NSL1: variants seen among roughly 807,000 people sequenced by gnomAD.
NSL1 encodes NSL1 component of MIS12 kinetochore complex, also known as kinetochore-associated protein NSL1 homolog.
Under a neutral mutation model 25.4 loss-of-function variants are expected in NSL1, and 11 were observed. The ratio of observed to expected loss-of-function variants is 0.43; its 90% CI spans 0.27 to 0.72. NSL1 has a LOEUF of 0.72. Ranked by LOEUF, NSL1 falls within the 30% of genes least tolerant of loss-of-function variation. The pLI is 0.19. For missense variants in NSL1, 330 were observed against 342.7 expected, an observed-to-expected ratio of 0.96 and a Z score of 0.29; for synonymous variants, 118 against 120.6, an observed-to-expected ratio of 0.98 and a Z score of 0.14.
chr1:212,772,808 C>T (rs1571905540), intron 4 of NSL1, among the ~76,000 whole-genome samples: 1 of 152,100 alleles, frequency 6.6e-6, no homozygotes, highest in Non-Finnish European at 1.5e-5. Flanking sequence ...AAATATACTA[C>T]AAAGCTACAG....
intron 4 of NSL1, among the ~76,000 whole-genome samples, chr1:212,755,884 G>A (rs1272324609): frequency 1.3e-5 from 2 of 152,074 alleles, no homozygotes; most frequent in South Asian, 2.1e-4. Flanking sequence ...TACGGCAGTC[G>A]AATGGAGGAT....
rs1657864628 is a variant in NSL1 at position 212,728,174 on chromosome 1, T to G, written c.*10234A>C. 2.1e-6 allele frequency: 2 copies of G among 935,584 alleles called. No individual in the cohort carries two copies. Among genetic ancestry groups the G allele is most frequent in the Non-Finnish European group, 2.5e-6 (2 of 784,630 alleles). The allele number at this position is 935,584 out of a possible 1,614,324, so 58.0% of individuals were successfully genotyped here. ...AAAAGAGATGGTGCATGTGAAGCTT[T>G]TAGCATGATCATGGCATGTAGTAAG... is the stretch of plus-strand genomic sequence containing the variant. On this transcript the variant is annotated 3_prime_UTR_variant, in exon 6 of 6. Coordinates refer to ENST00000366977, the MANE Select transcript of NSL1 (RefSeq NM_015471.4).
chr1:212,752,435 G>C (rs1190328857), intron 4 of NSL1, among the ~76,000 whole-genome samples: 1 of 152,140 alleles, frequency 6.6e-6, no homozygotes, highest in African/African-American at 2.4e-5. Flanking sequence ...TGCCTGTAGG[G>C]TCAGCAAAAG....
chr1:212,738,699 A>G lies in NSL1; in HGVS notation c.568-13T>C, dbSNP rs753697908. 1.6e-5 allele frequency: 25 copies of G among 1,603,724 alleles called. No individual in the cohort carries two copies. Among genetic ancestry groups the G allele is most frequent in the Non-Finnish European group, 2.0e-5 (24 of 1,172,330 alleles). ...ATGCAGGCAAGGACTTCAAACAAAC[A>G]AACAGTAATATTCAACATTAATCTC... On this transcript the variant is annotated splice_polypyrimidine_tract_variant and intron_variant, in intron 5 of 5. Transcript: ENST00000366977.
At position 212,787,554 on chromosome 1, in the gene NSL1, C is replaced by T; in HGVS notation, c.313+5G>A. 6.3e-7 allele frequency: 1 copy of T among 1,588,616 alleles called. No homozygotes were observed. The highest frequency in any genetic ancestry group is 8.6e-7 in the Non-Finnish European group (1 of 1,168,796). On this transcript the variant is annotated splice_donor_5th_base_variant and intron_variant, in intron 2 of 5. Transcript: ENST00000366977. ...AATTAATAATGGAAGGAAAAAGTCACATACCCATAAAACAATTATCTGAAG... is the reference window on the plus strand; with the variant it reads ...AATTAATAATGGAAGGAAAAAGTCATATACCCATAAAACAATTATCTGAAG...
chr1:212,786,443 A>G (rs537519461), intron 2 of NSL1, among the ~76,000 whole-genome samples: 38 of 152,046 alleles, frequency 2.5e-4, no homozygotes, highest in African/African-American at 7.9e-4. Flanking sequence ...AAAGTCTCCC[A>G]GGTAAATCTT....
rs59293969 is a variant in NSL1, at chr1:212,745,160, CTATATATATA to C, written c.500-5569_500-5560del. ...CAAAACAAACAAACAAACAAACAAA[CTATATATATA>C]TATATATATATATATATATATATAT... On this transcript the variant is annotated intron_variant, in intron 4 of 5. Coordinates refer to ENST00000366977, the MANE Select transcript of NSL1 (RefSeq NM_015471.4). 7.0e-3 allele frequency among the ~76,000 whole-genome samples: 820 copies of C among 117,548 alleles called. 4 individuals are homozygous for C. Among genetic ancestry groups the C allele is most frequent in the Non-Finnish European group, 9.8e-3 (593 of 60,628 alleles). The allele number at this position is 117,548 out of a possible 152,430, so 77.1% of individuals were successfully genotyped here.
rs994755011 is a variant in NSL1 at position 212,730,452 on chromosome 1, G to A, written c.*7956C>T. On this transcript the variant is annotated 3_prime_UTR_variant, in exon 6 of 6. Transcript: ENST00000366977. ...GGTCTTAAAATCTGCAACTAGGTATGAGCCCAAAGGCACTGGAGCCATTCT... is the reference window on the plus strand; with the variant it reads ...GGTCTTAAAATCTGCAACTAGGTATAAGCCCAAAGGCACTGGAGCCATTCT... 7.1e-6 allele frequency: 7 copies of A among 985,166 alleles called. No homozygotes were observed. Among genetic ancestry groups the A allele is most frequent in the South Asian group, 4.7e-5 (1 of 21,282 alleles). The allele number at this position is 985,166 out of a possible 1,614,324, so 61.0% of individuals were successfully genotyped here. A position where few individuals can be genotyped will look rare whatever the true frequency, so the allele number is the denominator to read the frequency against.
intron 4 of NSL1, among the ~76,000 whole-genome samples, chr1:212,755,699 T>A (rs1300456779): frequency 6.6e-6 from 1 of 151,846 alleles, no homozygotes; most frequent in Non-Finnish European, 1.5e-5. Flanking sequence ...ATGTGTGGGA[T>A]GTGACAGATT....
chr1:212,783,815 T>G (rs1660823876), intron 3 of NSL1, among the ~76,000 whole-genome samples: 1 of 152,184 alleles, frequency 6.6e-6, no homozygotes, highest in South Asian at 2.1e-4. Flanking sequence ...CGGCTCTGCT[T>G]GTCTAAAAAG....
At chr1:212,769,653 C>T (rs1660003984) in intron 4 of NSL1, among the ~76,000 whole-genome samples, 2 of 152,066 alleles carry the variant, frequency 1.3e-5, no homozygotes, top group African/African-American at 4.8e-5. Flanking sequence ...CAGTATCTAC[C>T]ATCATGTGAA....
intron 4 of NSL1, among the ~76,000 whole-genome samples, chr1:212,764,783 T>C (rs7551969): frequency 0.025 from 3,238 of 130,754 alleles, 109 homozygotes; most frequent in African/African-American, 0.085. Flanking sequence ...GAGGCAGAGG[T>C]TGCAGTGAGC....
In NSL1 at chr1:212,733,936, T is replaced by C. The variant is rs1292612325; in HGVS notation, c.*4472A>G. 6.6e-6 allele frequency among the ~76,000 whole-genome samples: 1 copy of C among 152,232 alleles called. No homozygotes were observed. The highest frequency in any genetic ancestry group is 2.4e-5 in the African/African-American group (1 of 41,470). On this transcript the variant is annotated 3_prime_UTR_variant, in exon 6 of 6. Transcript: ENST00000366977. ...GGTATCGATTAGACTTTGAACTTTA[T>C]GAACTTATTCTCTTTATTCTTACTT...
chr1:212,745,121 G>A (rs1316840145), intron 4 of NSL1, among the ~76,000 whole-genome samples: 1 of 149,636 alleles, frequency 6.7e-6, no homozygotes, highest in Non-Finnish European at 1.5e-5. Context: ...GGACAACAGA[G>A]TGAGACTCCA....
At chr1:212,779,112 G>C (rs1660539132) in intron 4 of NSL1, among the ~76,000 whole-genome samples, 2 of 151,444 alleles carry the variant, frequency 1.3e-5, no homozygotes, top group African/African-American at 4.8e-5. Flanking sequence ...GAAGTGAGGA[G>C]ACCCTCCGCC....
At chr1:212,787,890 C>CA (rs1341724285) in intron 1 of NSL1, among the ~76,000 whole-genome samples, 1 of 150,532 alleles carries the variant, frequency 6.6e-6, no homozygotes, top group South Asian at 2.1e-4. Context: ...TATAAACAAA[C>CA]AAAAAAAAGT....
chr1:212,730,498 T>C lies in NSL1; in HGVS notation c.*7910A>G, dbSNP rs983298392. 75 of 985,160 alleles carry C rather than the reference T, an allele frequency of 7.6e-5. No individual in the cohort carries two copies. Among genetic ancestry groups the C allele is most frequent in the Non-Finnish European group, 8.7e-5 (72 of 829,912 alleles). The allele number at this position is 985,160 out of a possible 1,614,324, so 61.0% of individuals were successfully genotyped here. ...ATTCTCTGAGTAAGGCTAGTCAAGGTGATGATAGAAATGCCCAATCTTTTA... is the reference window on the plus strand; with the variant it reads ...ATTCTCTGAGTAAGGCTAGTCAAGGCGATGATAGAAATGCCCAATCTTTTA... On this transcript the variant is annotated 3_prime_UTR_variant, in exon 6 of 6. Transcript: ENST00000366977.
At chr1:212,762,971 G>A (rs1382678467) in intron 4 of NSL1, among the ~76,000 whole-genome samples, 1 of 152,176 alleles carries the variant, frequency 6.6e-6, no homozygotes, top group African/African-American at 2.4e-5. Context: ...GAACCCACAG[G>A]GTGAGTGTAA....
chr1:212,747,343 G>T (rs536882368), intron 4 of NSL1, among the ~76,000 whole-genome samples: 1 of 152,200 alleles, frequency 6.6e-6, no homozygotes, highest in Non-Finnish European at 1.5e-5. Flanking sequence ...ATGCCTTTCA[G>T]ATCATTCGTC....
Sources: allele counts gnomAD v4.1 joint callset (sites outside exome capture counted in the v4.1 genomes callset), GRCh38; gene constraint gnomAD v4.1.1; transcripts MANE v1.5; gene names NCBI Gene and HGNC (gene_info 2026-07-23, HGNC 2026-07-21).